The following MTUS2 variants were observed in gnomAD, a reference collection of about 807,000 sequenced individuals.
The protein encoded by MTUS2 is microtubule associated scaffold protein 2.
In MTUS2, 40 loss-of-function variants were observed where a neutral mutation model predicts 114.1. That is an observed-to-expected ratio of 0.35 (90% CI 0.27 to 0.46). The LOEUF (loss-of-function observed/expected upper bound fraction) is 0.46. Ranked by LOEUF, MTUS2 falls within the 20% of genes least tolerant of loss-of-function variation. The pLI is 1.00. For missense variants in MTUS2, 1,679 were observed against 1,705.4 expected (o/e 0.98, Z 0.27); for synonymous variants, 688 against 672.0 (o/e 1.02, Z -0.37).
At chr13:29,360,006 A>C (rs1262116119) in intron 8 of MTUS2, among the ~76,000 whole-genome samples, 1 of 152,184 alleles carries the variant, frequency 6.6e-6, no homozygotes, top group Non-Finnish European at 1.5e-5. Flanking sequence ...AATTTTTCTG[A>C]AAATGCAGGG....
chr13:29,481,299 G>A (rs1881151047), intron 10 of MTUS2, among the ~76,000 whole-genome samples: 1 of 152,192 alleles, frequency 6.6e-6, no homozygotes, highest in Non-Finnish European at 1.5e-5. Context: ...CCCCACGGCA[G>A]CTATCTTGTC....
At chr13:29,272,967 A>C (rs1467406913) in intron 5 of MTUS2, among the ~76,000 whole-genome samples, 1 of 151,888 alleles carries the variant, frequency 6.6e-6, no homozygotes. Flanking sequence ...CTCATATGGC[A>C]GAAGGAATGT....
chr13:28,910,678 A>G (rs917091591), intron 2 of MTUS2, among the ~76,000 whole-genome samples: 2 of 151,982 alleles, frequency 1.3e-5, no homozygotes, highest in African/African-American at 4.8e-5. Flanking sequence ...AACAGCTTCC[A>G]GCTCCATTCA....
chr13:29,307,691 A>G, intron 6 of MTUS2: 2 of 1,138,172 alleles, frequency 1.8e-6, no homozygotes, highest in Non-Finnish European at 2.6e-6. Flanking sequence ...GCCCTCAACG[A>G]CCACTTTTTC....
chr13:28,953,295 G>C (rs1882901329), intron 2 of MTUS2, among the ~76,000 whole-genome samples: 1 of 152,016 alleles, frequency 6.6e-6, no homozygotes, highest in African/African-American at 2.4e-5. Flanking sequence ...GATCGCCTGA[G>C]GTCAGTAGTT....
chr13:29,180,029 A>G (rs990556823), intron 5 of MTUS2, among the ~76,000 whole-genome samples: 2 of 152,236 alleles, frequency 1.3e-5, no homozygotes, highest in African/African-American at 2.4e-5. Flanking sequence ...TCTCACTGCT[A>G]AATTTGGTTA....
rs551400209 is a variant in MTUS2 at position 29,405,718 on chromosome 13, A to G, written c.3118-34265A>G. Among the ~76,000 whole-genome samples, 603 of 150,882 alleles carry G rather than the reference A, an allele frequency of 4.0e-3. 4 individuals are homozygous for G. The highest frequency in any genetic ancestry group is 0.017 in the South Asian group (80 of 4,752). On this transcript the variant is annotated intron_variant, in intron 8 of 15. Transcript: ENST00000612955. ...GCATAAAATTATAAAGAATTATATT[A>G]TGACGACCATGGGCTAATTAACTAC...
chr13:29,025,026 G>GT lies in MTUS2; in HGVS notation c.328_329insT (p.Glu110ValfsTer11). On this transcript the variant is annotated frameshift_variant, in exon 3 of 16. Transcript: ENST00000612955. LOFTEE classifies it high-confidence loss of function. ...TTCAACCATTCAGAGGGAACTCAAT[G>GT]AAGAGCACACAGTGGAGAGAGGCAC... is the stretch of plus-strand genomic sequence containing the variant. The GT allele has an allele frequency of 6.2e-7, 1 of 1,614,032 alleles. No individual in the cohort carries two copies. Among genetic ancestry groups the GT allele is most frequent in the Non-Finnish European group, 8.5e-7 (1 of 1,179,900 alleles).
intron 6 of MTUS2, among the ~76,000 whole-genome samples, chr13:29,321,503 G>C (rs1208177553): frequency 1.3e-5 from 2 of 152,204 alleles, no homozygotes; most frequent in Non-Finnish European, 2.9e-5. Flanking sequence ...GACCATACAA[G>C]AGTTCTCCAG....
At chr13:29,455,046 C>T (rs923899662) in intron 9 of MTUS2, among the ~76,000 whole-genome samples, 2 of 152,230 alleles carry the variant, frequency 1.3e-5, no homozygotes, top group African/African-American at 4.8e-5. Flanking sequence ...AGTCAGCTTA[C>T]TGCCTGGGGC....
At chr13:29,380,130 T>C (rs1872089054) in intron 8 of MTUS2, among the ~76,000 whole-genome samples, 1 of 152,166 alleles carries the variant, frequency 6.6e-6, no homozygotes, top group African/African-American at 2.4e-5. Context: ...TGTCACCCTG[T>C]GCTCCTTGTC....
At chr13:29,014,309 AT>A (rs1885975565) in intron 2 of MTUS2, among the ~76,000 whole-genome samples, 1 of 152,192 alleles carries the variant, frequency 6.6e-6, no homozygotes, top group Non-Finnish European at 1.5e-5. Flanking sequence ...AACTAATAAT[AT>A]CTGTTTCTTC....
chr13:29,417,085 G>A (rs1312650356), intron 8 of MTUS2, among the ~76,000 whole-genome samples: 1 of 152,216 alleles, frequency 6.6e-6, no homozygotes, highest in Non-Finnish European at 1.5e-5. Flanking sequence ...TGCAGGTTGT[G>A]CAAGCATGGC....
rs138415234 is a variant in MTUS2, at chr13:29,317,412, TGC to T, written c.2807-7194_2807-7193del. Among the ~76,000 whole-genome samples the T allele has an allele frequency of 2.7e-5, 4 of 149,540 alleles. 1 individual carries two copies. Among genetic ancestry groups the T allele is most frequent in the African/African-American group, 9.9e-5 (4 of 40,272 alleles). On this transcript the variant is annotated intron_variant, in intron 6 of 15. Coordinates refer to ENST00000612955, the MANE Select transcript of MTUS2 (RefSeq NM_001033602.4). ...CATCTAACTCTCCTGAGTTCGCTTG[TGC>T]GCGCGCTCTCTCTCTCTCTTTTTTT...
intron 5 of MTUS2, among the ~76,000 whole-genome samples, chr13:29,257,078 C>G (rs917384709): frequency 2.6e-5 from 4 of 152,220 alleles, no homozygotes; most frequent in African/African-American, 9.6e-5. Context: ...CCCTGGGACA[C>G]TGCTTAGCTG....
intron 2 of MTUS2, among the ~76,000 whole-genome samples, chr13:28,869,328 G>C (rs992463742): frequency 6.6e-6 from 1 of 152,008 alleles, no homozygotes; most frequent in African/African-American, 2.4e-5. Flanking sequence ...TCGATCATAG[G>C]GCCTTTTCAA....
chr13:29,391,756 C>G (rs148670726), intron 8 of MTUS2, among the ~76,000 whole-genome samples: 2 of 151,698 alleles, frequency 1.3e-5, no homozygotes, highest in Non-Finnish European at 2.9e-5. Flanking sequence ...TTAAAAGCTA[C>G]GATTTTAATC....
At chr13:29,384,010 G>T (rs7317632) in intron 8 of MTUS2, among the ~76,000 whole-genome samples, 91,987 of 152,064 alleles carry the variant, frequency 0.6, 29,236 homozygotes, top group East Asian at 0.73. Context: ...TGTATATAAT[G>T]AAACCTGGAG....
At chr13:29,085,215 C>G (rs1396979673) in intron 4 of MTUS2, among the ~76,000 whole-genome samples, 1 of 152,174 alleles carries the variant, frequency 6.6e-6, no homozygotes, top group Admixed American at 6.5e-5. Context: ...TCTCATACAG[C>G]TAGAAGAACC....
Sources: allele counts gnomAD v4.1 joint callset (sites outside exome capture counted in the v4.1 genomes callset), GRCh38; gene constraint gnomAD v4.1.1; transcripts MANE v1.5; gene names NCBI Gene and HGNC (gene_info 2026-07-23, HGNC 2026-07-21).